The following ATP2C1 variants were observed in gnomAD, a reference collection of about 807,000 sequenced individuals.
ATP2C1 encodes the protein calcium-transporting ATPase type 2C member 1.
ATP2C1 carries 31 observed loss-of-function variants against 120.5 expected under a neutral mutation model. The ratio of observed to expected loss-of-function variants is 0.26; its 90% CI spans 0.19 to 0.35. The LOEUF (loss-of-function observed/expected upper bound fraction) is 0.35. ATP2C1 is among the 10% of genes least tolerant of loss of function. The probability of loss-of-function intolerance (pLI) is 1.00; values close to 1 mark genes in which losing one functional copy is unlikely to be tolerated. For missense variants in ATP2C1, 731 were observed against 1,107.5 expected (o/e 0.66, Z 4.83); for synonymous variants, 351 against 358.7 (o/e 0.98, Z 0.24).
chr3:131,013,467 C>G (rs1055886663), intron 26 of ATP2C1, among the ~76,000 whole-genome samples: 2 of 152,200 alleles, frequency 1.3e-5, no homozygotes, highest in Non-Finnish European at 2.9e-5. Context: ...TCCTCCTTCT[C>G]CAGGTCTAAC....
intron 18 of ATP2C1, 103 bp from the exon 19 acceptor site, chr3:130,979,146 T>G: frequency 9.3e-7 from 1 of 1,078,408 alleles, no homozygotes; most frequent in Non-Finnish European, 1.4e-6. Context: ...TCTTAAGTGA[T>G]TTATTTAAGA....
At chr3:130,930,062 G>A (rs861171) in intron 2 of ATP2C1, 322,848 of 354,654 alleles carry the variant, frequency 0.91, 147,490 homozygotes, top group Middle Eastern at 0.95. Flanking sequence ...CATGTTAAAC[G>A]TAATGAGTTT....
chr3:130,959,225 C>T lies in ATP2C1; in HGVS notation c.833-50C>T, dbSNP rs758648138. The T allele has an allele frequency of 5.0e-5, 68 of 1,372,338 alleles. No homozygotes were observed. The East Asian group carries it at 1.6e-3, about 31-fold the overall frequency. The allele number at this position is 1,372,338 out of a possible 1,614,324, so 85.0% of individuals were successfully genotyped here. ...ATTCCTTCAGCTTGTTCTGTTCCTT[C>T]TAGGTGATTGTATGTAAAAGGGAAA... On this transcript the variant is annotated intron_variant, in intron 11 of 27. Transcript: ENST00000510168.
chr3:130,999,369 A>T (rs1180762396), intron 26 of ATP2C1, 149 bp from the exon 27 acceptor site: 1 of 700,684 alleles, frequency 1.4e-6, no homozygotes. Context: ...ATTCCAAAAC[A>T]GTAGTAAAAT....
At chr3:130,955,895 T>C (rs1473212459) in intron 10 of ATP2C1, 3 of 488,582 alleles carry the variant, frequency 6.1e-6, no homozygotes, top group East Asian at 7.2e-5. Context: ...TTTTTAAAAA[T>C]AGAGAATTTC....
intron 17 of ATP2C1, among the ~76,000 whole-genome samples, chr3:130,974,681 T>G (rs1397703057): frequency 1.3e-5 from 2 of 151,942 alleles, no homozygotes; most frequent in Non-Finnish European, 2.9e-5. Flanking sequence ...ATAGTGGAAA[T>G]GGGGAAATTA....
intron 1 of ATP2C1, among the ~76,000 whole-genome samples, chr3:130,869,638 A>G (rs1038907136): frequency 2.0e-5 from 3 of 152,192 alleles, no homozygotes; most frequent in Non-Finnish European, 4.4e-5. Context: ...GCTAATGTGC[A>G]GGAAGTTTGA....
chr3:130,955,202 G>T (rs2060528193), intron 10 of ATP2C1, 122 bp downstream of exon 10: 2 of 737,492 alleles, frequency 2.7e-6, no homozygotes, highest in Admixed American at 2.1e-5. Context: ...ATGGAAATCA[G>T]TTGTCTCTGT....
intron 12 of ATP2C1, among the ~76,000 whole-genome samples, chr3:130,962,715 T>TAAAAAAA: frequency 8.8e-6 from 1 of 114,212 alleles, no homozygotes; most frequent in Non-Finnish European, 1.8e-5. Flanking sequence ...ATGGAAGCAT[T>TAAAAAAA]AAAAAAAAAA....
intron 1 of ATP2C1, among the ~76,000 whole-genome samples, chr3:130,885,403 G>T (rs1186637767): frequency 2.0e-5 from 3 of 151,722 alleles, no homozygotes; most frequent in Non-Finnish European, 4.4e-5. Context: ...GTTGTTTTGT[G>T]GTCTTCTCTT....
chr3:130,855,468 A>T (rs2067806198), intron 1 of ATP2C1, among the ~76,000 whole-genome samples: 1 of 152,130 alleles, frequency 6.6e-6, no homozygotes, highest in Non-Finnish European at 1.5e-5. Context: ...AAATAGGGTT[A>T]TTATCCTTAG....
At chr3:130,978,106 A>G (rs931805920) in intron 18 of ATP2C1, among the ~76,000 whole-genome samples, 6 of 152,116 alleles carry the variant, frequency 3.9e-5, no homozygotes, top group East Asian at 1.9e-4. Context: ...ATTTGCTGAC[A>G]TATATTTTTG....
intron 1 of ATP2C1, among the ~76,000 whole-genome samples, chr3:130,865,106 C>T (rs1264528914): frequency 6.6e-6 from 1 of 152,180 alleles, no homozygotes; most frequent in Non-Finnish European, 1.5e-5. Flanking sequence ...AGGGGTGGAG[C>T]TGCCTAAGAC....
chr3:130,955,214 T>A, intron 10 of ATP2C1, 134 bp downstream of exon 10: 2 of 703,916 alleles, frequency 2.8e-6, no homozygotes, highest in East Asian at 5.4e-5. Context: ...TGTCTCTGTT[T>A]AGAAACATAA....
chr3:130,921,206 G>A (rs1371617643), intron 2 of ATP2C1, among the ~76,000 whole-genome samples: 4 of 150,400 alleles, frequency 2.7e-5, no homozygotes, highest in African/African-American at 7.4e-5. Flanking sequence ...CTCAGCCTCC[G>A]AAGTAGCTGG....
intron 11 of ATP2C1, among the ~76,000 whole-genome samples, 177 bp from the exon 12 acceptor site, chr3:130,959,098 T>G (rs1559975405): frequency 6.6e-6 from 1 of 152,174 alleles, no homozygotes; most frequent in Non-Finnish European, 1.5e-5. Flanking sequence ...AGCATTCACA[T>G]TAAGCAGTGT....
chr3:131,000,408 AG>A (rs1444811882), intron 27 of ATP2C1, among the ~76,000 whole-genome samples: 4 of 152,216 alleles, frequency 2.6e-5, no homozygotes, highest in Non-Finnish European at 5.9e-5. Flanking sequence ...TGGCATTTTA[AG>A]GAAACATCTG....
At chr3:130,988,422 CTCTT>C (rs2062129090) in intron 20 of ATP2C1, among the ~76,000 whole-genome samples, 1 of 152,142 alleles carries the variant, frequency 6.6e-6, no homozygotes, top group African/African-American at 2.4e-5. Flanking sequence ...TTGTTCTACT[CTCTT>C]TGATGATTTT....
intron 1 of ATP2C1, among the ~76,000 whole-genome samples, chr3:130,857,795 T>C (rs892442749): frequency 6.6e-6 from 1 of 152,184 alleles, no homozygotes; most frequent in Non-Finnish European, 1.5e-5. Flanking sequence ...TTTGCATATA[T>C]GATGGGGAGT....
Sources: gnomAD v4.1 joint callset for allele counts (sites outside exome capture counted in the v4.1 genomes callset) on GRCh38, gnomAD v4.1.1 for gene constraint, MANE v1.5 for transcripts, NCBI Gene and HGNC (gene_info 2026-07-23, HGNC 2026-07-21) for gene names.